The following ALK variants were observed in gnomAD, a reference collection of about 807,000 sequenced individuals.
The protein encoded by ALK is ALK receptor tyrosine kinase, also known as ALK tyrosine kinase receptor.
In ALK, 74 loss-of-function variants were observed where a neutral mutation model predicts 163.1. The ratio of observed to expected loss-of-function variants is 0.45; its 90% CI spans 0.38 to 0.55. The LOEUF is 0.55. Ranked by LOEUF, ALK falls within the 20% of genes least tolerant of loss-of-function variation. The pLI is 0.00. For synonymous variants in ALK, 960 were observed against 843.2 expected, an observed-to-expected ratio of 1.14 and a Z score of -2.40; for missense variants, 2,063 against 2,105.3, an observed-to-expected ratio of 0.98 and a Z score of 0.39.
chr2:29,683,048 T>A (rs549342543), intron 3 of ALK, among the ~76,000 whole-genome samples: 1 of 152,256 alleles, frequency 6.6e-6, no homozygotes, highest in South Asian at 2.1e-4. Context: ...ACTCAACATA[T>A]GTACTTACGA....
At chr2:29,312,454 C>T (rs1394827029) in intron 8 of ALK, among the ~76,000 whole-genome samples, 1 of 152,128 alleles carries the variant, frequency 6.6e-6, no homozygotes, top group Non-Finnish European at 1.5e-5. Context: ...CACTGTACCA[C>T]GTTGCCTTGG....
At chr2:29,398,169 C>A (rs1388775170) in intron 4 of ALK, among the ~76,000 whole-genome samples, 1 of 152,158 alleles carries the variant, frequency 6.6e-6, no homozygotes, top group African/African-American at 2.4e-5. Flanking sequence ...GGCAGGAATC[C>A]CTGGGCACAG....
chr2:29,346,568 G>C (rs1046126799), intron 5 of ALK, among the ~76,000 whole-genome samples: 1 of 152,234 alleles, frequency 6.6e-6, no homozygotes, highest in African/African-American at 2.4e-5. Flanking sequence ...ATTTCTGACA[G>C]AGGCACAAAT....
intron 1 of ALK, among the ~76,000 whole-genome samples, chr2:29,869,413 G>A (rs901269841): frequency 1.3e-5 from 2 of 152,110 alleles, no homozygotes; most frequent in African/African-American, 4.8e-5. Context: ...CTATCTAATT[G>A]TCTCAATATT....
chr2:29,800,761 A>G (rs1178013744), intron 1 of ALK, among the ~76,000 whole-genome samples: 2 of 152,166 alleles, frequency 1.3e-5, no homozygotes, highest in Admixed American at 1.3e-4. Context: ...TCCAACCACC[A>G]AGGTAAAACA....
intron 1 of ALK, among the ~76,000 whole-genome samples, chr2:29,828,153 T>C (rs189029366): frequency 1.3e-4 from 20 of 152,304 alleles, no homozygotes; most frequent in African/African-American, 4.3e-4. Context: ...TTACACCTTA[T>C]ACAAAAATTA....
rs1680422242 is a variant in ALK at position 29,753,169 on chromosome 2, T to C, written c.668-35472A>G. Among the ~76,000 whole-genome samples, 4 of 152,206 alleles carry C rather than the reference T, an allele frequency of 2.6e-5. No individual in the cohort carries two copies. In the South Asian group the frequency reaches 8.3e-4, roughly 32 times the overall value. ...CCATAAGATAGAAACTCCTCCAATG[T>C]TCCCAGCACTGAAGCATTAAAATAA... is the stretch of plus-strand genomic sequence containing the variant. On this transcript the variant is annotated intron_variant, in intron 1 of 28. Coordinates refer to ENST00000389048, the MANE Select transcript of ALK (RefSeq NM_004304.5).
chr2:29,711,289 C>T (rs1199409008), intron 2 of ALK, among the ~76,000 whole-genome samples: 2 of 152,126 alleles, frequency 1.3e-5, no homozygotes, highest in Non-Finnish European at 2.9e-5. Flanking sequence ...CCCTTTTGTC[C>T]AGAACACTCT....
intron 5 of ALK, among the ~76,000 whole-genome samples, chr2:29,344,940 G>A (rs1667901765): frequency 6.6e-6 from 1 of 152,212 alleles, no homozygotes; most frequent in Non-Finnish European, 1.5e-5. Context: ...ACTTGTCTGT[G>A]TGACTTTAGT....
chr2:29,336,536 C>G (rs1359259763), intron 5 of ALK, among the ~76,000 whole-genome samples: 1 of 152,194 alleles, frequency 6.6e-6, no homozygotes, highest in Non-Finnish European at 1.5e-5. Flanking sequence ...GCACTGGAGA[C>G]ACATGTGGCC....
At position 29,353,054 on chromosome 2, in the gene ALK, A is replaced by G. The variant is rs545917042; in HGVS notation, c.1283-24573T>C. ...TTTGTAGGACTAACAGACTAGCTACAAGATTAGAAATTATTGTTTAGGAGT... is the reference window on the plus strand; with the variant it reads ...TTTGTAGGACTAACAGACTAGCTACGAGATTAGAAATTATTGTTTAGGAGT... On this transcript the variant is annotated intron_variant, in intron 5 of 28. Coordinates refer to ENST00000389048, the MANE Select transcript of ALK (RefSeq NM_004304.5). 4.5e-4 allele frequency among the ~76,000 whole-genome samples: 68 copies of G among 152,368 alleles called. 1 individual carries two copies. In the South Asian group the frequency reaches 0.014, roughly 31 times the overall value.
At chr2:29,281,318 A>T (rs1187143130) in intron 9 of ALK, among the ~76,000 whole-genome samples, 3 of 152,116 alleles carry the variant, frequency 2.0e-5, no homozygotes, top group Non-Finnish European at 4.4e-5. Flanking sequence ...GTTCCCCAGG[A>T]TAGAAGAGGC....
rs1251673674 is a variant in ALK, at chr2:29,193,838, C to A, written c.4249G>T (p.Asp1417Tyr). ...EEEKVPVRPK[D>Y]PEGVPPLLVS... ...AGGAGAGGAGGAACCCCCTCAGGGT[C>A]CTTGGGCCTCACAGGCACTTTCTCT... The change falls in exon 29 of 29, where the codon GAC becomes TAC. Residue 1417 changes from aspartate (D) to tyrosine (Y), a missense_variant. Coordinates refer to ENST00000389048, the MANE Select transcript of ALK (RefSeq NM_004304.5). The A allele has an allele frequency of 1.9e-6, 3 of 1,612,330 alleles. No individual in the cohort carries two copies. Among genetic ancestry groups the A allele is most frequent in the Non-Finnish European group, 1.7e-6 (2 of 1,179,242 alleles).
chr2:29,636,607 C>A (rs942051988), intron 3 of ALK, among the ~76,000 whole-genome samples: 9 of 151,944 alleles, frequency 5.9e-5, no homozygotes, highest in Non-Finnish European at 1.2e-4. Context: ...TAGATTTCAT[C>A]AAAATTAAAA....
rs183039942 is a variant in ALK at position 29,404,203 on chromosome 2, T to A, written c.1155-20344A>T. On this transcript the variant is annotated intron_variant, in intron 4 of 28. Transcript: ENST00000389048. ...GCTGAAATCCCAGCTACTCGGAAGG[T>A]GGAGGTGGGAGAATCACTTGAACCC... is the stretch of plus-strand genomic sequence containing the variant. 1.3e-3 allele frequency among the ~76,000 whole-genome samples: 188 copies of A among 149,038 alleles called. 1 individual carries two copies. Among genetic ancestry groups the A allele is most frequent in the Non-Finnish European group, 2.0e-3 (138 of 67,550 alleles).
chr2:29,209,952 T>C, intron 24 of ALK, 74 bp from the exon 25 acceptor site: 1 of 1,201,590 alleles, frequency 8.3e-7, no homozygotes, highest in Non-Finnish European at 1.2e-6. Flanking sequence ...CACTAGGATT[T>C]TATCTCCAAG....
At chr2:29,784,911 T>A (rs909454846) in intron 1 of ALK, among the ~76,000 whole-genome samples, 12 of 152,056 alleles carry the variant, frequency 7.9e-5, no homozygotes, top group Non-Finnish European at 1.3e-4. Flanking sequence ...ATGGCTCAAC[T>A]AGAAGACCTA....
rs1664662050 is a variant in ALK, at chr2:29,246,056, A to G, written c.2204+5049T>C. ...GTCCATTATGTCTGAAGAGCAGGTG[A>G]GCTGTGGGACGACTGCCTTCGGGAG... On this transcript the variant is annotated intron_variant, in intron 12 of 28. Coordinates refer to ENST00000389048, the MANE Select transcript of ALK (RefSeq NM_004304.5). This position sits in a 1 kb window ranked among gnomAD's most constrained non-coding sequence, Gnocchi z 4.3. Among the ~76,000 whole-genome samples the G allele has an allele frequency of 6.6e-6, 1 of 152,170 alleles. No individual in the cohort carries two copies. The highest frequency in any genetic ancestry group is 1.5e-5 in the Non-Finnish European group (1 of 68,020).
At chr2:29,811,122 A>G (rs1008986485) in intron 1 of ALK, among the ~76,000 whole-genome samples, 1 of 152,096 alleles carries the variant, frequency 6.6e-6, no homozygotes, top group Non-Finnish European at 1.5e-5. Flanking sequence ...ATGAGGTAAG[A>G]AAAAAGGTGT....
Sources: gnomAD v4.1 joint callset for allele counts (sites outside exome capture counted in the v4.1 genomes callset) on GRCh38, gnomAD v4.1.1 for gene constraint, Gnocchi (gnomAD v3.1) non-coding constraint, MANE v1.5 for transcripts, NCBI Gene and HGNC (gene_info 2026-07-23, HGNC 2026-07-21) for gene names.